Variants in PBX1 observed in about 807,000 individuals in gnomAD.
PBX1 encodes the protein pre-B-cell leukemia transcription factor 1.
A neutral mutation model predicts 53.4 loss-of-function variants in PBX1; 6 were observed. The ratio of observed to expected loss-of-function variants is 0.11; its 90% CI spans 0.06 to 0.22. The LOEUF is 0.22. Among genes scored for constraint, PBX1 ranks in the 10% least tolerant of loss-of-function variants. The probability of loss-of-function intolerance (pLI) is 1.00; values close to 1 mark genes in which losing one functional copy is unlikely to be tolerated. For synonymous variants in PBX1, 204 were observed against 212.3 expected, an observed-to-expected ratio of 0.96 and a Z score of 0.34; for missense variants, 251 against 551.4, an observed-to-expected ratio of 0.46 and a Z score of 5.46.
intron 1 of PBX1, chr1:164,560,400 T>G: frequency 2.5e-6 from 1 of 394,032 alleles, no homozygotes; most frequent in Non-Finnish European, 4.5e-6. Flanking sequence ...ATTCCATGCC[T>G]TCTTGTTGAG....
At position 164,750,868 on chromosome 1, in the gene PBX1, G is replaced by A. The variant is rs532726687; in HGVS notation, c.266-41626G>A. ...AATGATAGCGGTAGAGGCTGGGGAAGCAAAAGAGAAATTTAGCTACTTCAG... is the reference window on the plus strand; with the variant it reads ...AATGATAGCGGTAGAGGCTGGGGAAACAAAAGAGAAATTTAGCTACTTCAG... On this transcript the variant is annotated intron_variant, in intron 2 of 8. Coordinates refer to ENST00000420696, the MANE Select transcript of PBX1 (RefSeq NM_002585.4). 1.7e-3 allele frequency among the ~76,000 whole-genome samples: 263 copies of A among 152,268 alleles called. 1 individual carries two copies. Among genetic ancestry groups the A allele is most frequent in the African/African-American group, 5.4e-3 (226 of 41,538 alleles).
intron 8 of PBX1, among the ~76,000 whole-genome samples, chr1:164,832,408 ACC>A (rs1310539883): frequency 6.6e-6 from 1 of 152,096 alleles, no homozygotes; most frequent in Non-Finnish European, 1.5e-5. Flanking sequence ...GCTACCCTAC[ACC>A]TTTATTGTGT....
intron 2 of PBX1, among the ~76,000 whole-genome samples, chr1:164,865,678 G>A (rs1672200559): frequency 6.6e-6 from 1 of 152,194 alleles, no homozygotes; most frequent in Non-Finnish European, 1.5e-5. Context: ...CAGAGGAGCC[G>A]AGAATCTGGC....
chr1:164,766,476 T>C (rs1320438300), intron 2 of PBX1, among the ~76,000 whole-genome samples: 1 of 152,150 alleles, frequency 6.6e-6, no homozygotes, highest in African/African-American at 2.4e-5. Flanking sequence ...TTACACATAT[T>C]GTGCCCTAGG....
At chr1:164,617,882 G>A (rs1657388091) in intron 2 of PBX1, among the ~76,000 whole-genome samples, 1 of 151,956 alleles carries the variant, frequency 6.6e-6, no homozygotes. Flanking sequence ...AAGTGCTTCC[G>A]CATCTCTTGT....
chr1:164,655,094 ATG>A (rs1218619253), intron 2 of PBX1, among the ~76,000 whole-genome samples: 1 of 65,792 alleles, frequency 1.5e-5, no homozygotes, highest in African/African-American at 4.7e-5. Context: ...CCAGTCTCTG[ATG>A]TGTGTTTTTT....
At chr1:164,594,199 G>A (rs1424100659) in intron 2 of PBX1, among the ~76,000 whole-genome samples, 1 of 152,162 alleles carries the variant, frequency 6.6e-6, no homozygotes, top group Non-Finnish European at 1.5e-5. Context: ...ACTTGCTGTA[G>A]GAAGATCACG....
At chr1:164,854,610 G>T (rs1417008348), downstream of PBX1, among the ~76,000 whole-genome samples, 1 of 152,042 alleles carries the variant, frequency 6.6e-6, no homozygotes, top group Non-Finnish European at 1.5e-5. Context: ...GCTGACCACC[G>T]AGGCCAGTGT....
intron 2 of PBX1, among the ~76,000 whole-genome samples, chr1:164,651,408 C>G (rs1022359014): frequency 4.6e-5 from 7 of 151,966 alleles, no homozygotes; most frequent in African/African-American, 1.7e-4. Flanking sequence ...TTTCATCTCG[C>G]GTGGTGGCTG....
chr1:164,700,649 G>C, intron 2 of PBX1: 2 of 985,292 alleles, frequency 2.0e-6, no homozygotes, highest in Non-Finnish European at 1.2e-6. Context: ...AAAGGTGATC[G>C]TGTCAGGTGG....
chr1:164,777,375 A>T (rs1667724211), intron 2 of PBX1, among the ~76,000 whole-genome samples: 1 of 152,180 alleles, frequency 6.6e-6, no homozygotes, highest in African/African-American at 2.4e-5. Context: ...GTGAGCCAAG[A>T]TCTGGCCACT....
intron 2 of PBX1, among the ~76,000 whole-genome samples, chr1:164,650,412 A>G: frequency 6.6e-6 from 1 of 152,020 alleles, no homozygotes; most frequent in African/African-American, 2.4e-5. Flanking sequence ...TATTTTTAGT[A>G]GAGACAGGGT....
intron 2 of PBX1, among the ~76,000 whole-genome samples, chr1:164,757,302 A>T (rs1239996455): frequency 6.6e-6 from 1 of 152,240 alleles, no homozygotes; most frequent in Non-Finnish European, 1.5e-5. Flanking sequence ...GAGAAGAACC[A>T]TGAAATATTG....
chr1:164,789,964 G>A (rs1052667327), intron 2 of PBX1, among the ~76,000 whole-genome samples: 2 of 137,148 alleles, frequency 1.5e-5, no homozygotes. Context: ...GCTCAGAGGC[G>A]ATTCTTTTTT....
intron 2 of PBX1, among the ~76,000 whole-genome samples, chr1:164,593,812 C>T (rs539970398): frequency 3.3e-5 from 5 of 152,242 alleles, no homozygotes; most frequent in East Asian, 3.9e-4. Flanking sequence ...TTATTATCTC[C>T]GTTTCTTCCG....
At chr1:164,837,541 C>T (rs1671100547) in intron 8 of PBX1, among the ~76,000 whole-genome samples, 3 of 152,068 alleles carry the variant, frequency 2.0e-5, no homozygotes, top group Admixed American at 6.5e-5. Context: ...TGCATGTTGT[C>T]GAATGCTGTT....
intron 2 of PBX1, among the ~76,000 whole-genome samples, chr1:164,617,129 T>A (rs1023013178): frequency 6.6e-6 from 1 of 152,218 alleles, no homozygotes; most frequent in Admixed American, 6.5e-5. Context: ...TGCCTTTAAA[T>A]TTTTATCCCC....
chr1:164,664,855 A>T (rs1464519769), intron 2 of PBX1, among the ~76,000 whole-genome samples: 1 of 152,170 alleles, frequency 6.6e-6, no homozygotes, highest in Admixed American at 6.5e-5. Context: ...TATCAAGAGA[A>T]CAACGTGGGA....
intron 2 of PBX1, among the ~76,000 whole-genome samples, chr1:164,765,911 T>C (rs1667037762): frequency 6.6e-6 from 1 of 152,208 alleles, no homozygotes; most frequent in Admixed American, 6.5e-5. Context: ...CCTCACTGAC[T>C]CTGCTAACCT....
Sources: allele counts gnomAD v4.1 joint callset (sites outside exome capture counted in the v4.1 genomes callset), GRCh38; gene constraint gnomAD v4.1.1; transcripts MANE v1.5; gene names NCBI Gene and HGNC (gene_info 2026-07-23, HGNC 2026-07-21).